Variants in VIM observed in about 807,000 individuals in gnomAD.
VIM encodes the protein epididymis secretory sperm binding protein.
VIM carries 18 observed loss-of-function variants against 50.3 expected under a neutral mutation model. The ratio of observed to expected loss-of-function variants is 0.36; its 90% CI spans 0.25 to 0.53. The LOEUF (loss-of-function observed/expected upper bound fraction) is 0.53, where lower values mean the gene tolerates loss of function less well. Ranked by LOEUF, VIM falls within the 20% of genes least tolerant of loss-of-function variation. The pLI is 0.91. For synonymous variants in VIM, 245 were observed against 248.5 expected, an observed-to-expected ratio of 0.99 and a Z score of 0.13; for missense variants, 551 against 614.7, an observed-to-expected ratio of 0.90 and a Z score of 1.10.
chr10:17,233,402 C>G, intron 3 of VIM, 185 bp from the exon 4 acceptor site: 1 of 604,632 alleles, frequency 1.7e-6, no homozygotes, highest in Non-Finnish European at 2.9e-6. Context: ...TATTAGTGAG[C>G]AGGAGAAAGC....
chr10:17,234,656 A>G (rs746479146), intron 5 of VIM, 37 bp from the exon 6 acceptor site: 17 of 1,612,600 alleles, frequency 1.1e-5, no homozygotes, highest in Middle Eastern at 1.6e-4. Context: ...AAAGACTTGA[A>G]TGTGAGCAAT....
Position 17,229,382 on chromosome 10 carries a change from C to G in VIM, c.-41C>G. On this transcript the variant is annotated 5_prime_UTR_variant, in exon 2 of 10. Coordinates refer to ENST00000544301, the MANE Select transcript of VIM (RefSeq NM_003380.5). Reference sequence around the variant, plus strand: ...CGCCTCTTCTCCGGGAGCCAGTCCGCGCCACCGCCGCCGCCCAGGCCATCG... The same window carrying G: ...CGCCTCTTCTCCGGGAGCCAGTCCGGGCCACCGCCGCCGCCCAGGCCATCG... The G allele has an allele frequency of 1.3e-6, 2 of 1,561,234 alleles. No homozygotes were observed. Among genetic ancestry groups the G allele is most frequent in the South Asian group, 1.2e-5 (1 of 86,220 alleles).
Position 17,236,377 on chromosome 10 carries a change from C to T in VIM, c.1357C>T (p.Gln453Ter), listed in dbSNP as rs1414174359. Residue 453 changes from glutamine (Q) to a stop codon, truncating the protein, a stop_gained and splice_region_variant, in exon 9 of 10, where the codon CAG becomes TAG. Transcript: ENST00000544301. LOFTEE classifies it high-confidence loss of function. The stretch of plus-strand genomic sequence containing the variant: ...TAAGACGGTTGAAACTAGAGATGGA[C>T]AGGTTGGTATCTTTTAAGGAAAAAA... ...LIKTVETRDG[Q>*]VINETSQHHD... is the part of the protein sequence containing the mutation. The T allele has an allele frequency of 6.2e-7, 1 of 1,609,662 alleles. No homozygotes were observed.
rs770340693 is a variant in VIM, at chr10:17,237,191, T to C, written c.1360-39T>C. 25 of 1,547,338 alleles carry C rather than the reference T, an allele frequency of 1.6e-5. 1 individual carries two copies. The South Asian group carries it at 2.7e-4, about 16-fold the overall frequency. On this transcript the variant is annotated intron_variant, in intron 9 of 9. Coordinates refer to ENST00000544301, the MANE Select transcript of VIM (RefSeq NM_003380.5). ...ATATAGGATAATTTAGTCTTTGGCA[T>C]GTGGCATTATATTTATTTTGGTTTT... is the stretch of plus-strand genomic sequence containing the variant.
chr10:17,229,912 C>G lies in VIM; in HGVS notation c.490C>G (p.Leu164Val), dbSNP rs377524590. The G allele has an allele frequency of 1.6e-5, 25 of 1,612,700 alleles. No individual in the cohort carries two copies. The African/African-American group carries it at 3.3e-4, about 22-fold the overall frequency. The change falls in exon 2 of 10, where the codon CTA becomes GTA. Residue 164 changes from leucine (L) to valine (V), a missense_variant. Physicochemically the swap from Leu to Val is conservative, Grantham distance 32. Coordinates refer to ENST00000544301, the MANE Select transcript of VIM (RefSeq NM_003380.5). ...GGAGCTGCGCCGGCAGGTGGACCAG[C>G]TAACCAACGACAAAGCCCGCGTCGA... ...MRELRRQVDQ[L>V]TNDKARVEVE...
chr10:17,236,661 T>C (rs1207050227), intron 9 of VIM, among the ~76,000 whole-genome samples: 1 of 152,190 alleles, frequency 6.6e-6, no homozygotes, highest in Non-Finnish European at 1.5e-5. Flanking sequence ...CTTAAACCAC[T>C]TCCTAAAGCA....
intron 8 of VIM, 183 bp downstream of exon 8, chr10:17,236,072 C>T (rs1846884060): frequency 1.4e-6 from 1 of 730,704 alleles, no homozygotes; most frequent in Non-Finnish European, 2.3e-6. Context: ...TAAATGCAAA[C>T]TCCTTTTTCC....
At chr10:17,230,317 C>A in intron 2 of VIM, 1 of 568,874 alleles carries the variant, frequency 1.8e-6, no homozygotes, top group East Asian at 3.0e-5. Flanking sequence ...CAGAAAGTTT[C>A]CTGCCCCTTC....
Position 17,237,584 on chromosome 10 carries a change from G to T in VIM, c.*313G>T. Reference sequence around the variant, plus strand: ...CTTGGTTCTGCTTCAATAAATCTTTGGAAAAACTCTTTTGTTGTGTTATTT... The same window carrying T: ...CTTGGTTCTGCTTCAATAAATCTTTTGAAAAACTCTTTTGTTGTGTTATTT... On this transcript the variant is annotated 3_prime_UTR_variant, in exon 10 of 10. Transcript: ENST00000544301. 3.5e-6 allele frequency: 1 copy of T among 282,632 alleles called. No individual in the cohort carries two copies. The highest frequency in any genetic ancestry group is 4.7e-5 in the Admixed American group (1 of 21,168). The allele number at this position is 282,632 out of a possible 1,614,324, so 17.5% of individuals were successfully genotyped here.
At chr10:17,235,481 T>G (rs1238392880) in intron 7 of VIM, 92 bp downstream of exon 7, 2 of 1,419,688 alleles carry the variant, frequency 1.4e-6, no homozygotes, top group African/African-American at 1.4e-5. Context: ...ATTTAATCTT[T>G]AGAAAGTTTC....
Position 17,229,144 on chromosome 10 carries a change from A to AACCC in VIM, c.-147-132_-147-131insACCC. On this transcript the variant is annotated intron_variant, in intron 1 of 9. Transcript: ENST00000544301. ...AGCAGGAAGGCTCGAGGGCGCCCCC[A>AACCC]CCCCACCCGCCCACCCTCCCCGCTT... 1.2e-4 allele frequency: 22 copies of AACCC among 176,160 alleles called. 6 individuals are homozygous for AACCC. Among genetic ancestry groups the AACCC allele is most frequent in the South Asian group, 4.9e-4 (8 of 16,232 alleles). The allele number at this position is 176,160 out of a possible 1,614,324, so 10.9% of individuals were successfully genotyped here.
In VIM at chr10:17,230,669, C is replaced by G. The variant is rs1303380482; in HGVS notation, c.583C>G (p.Gln195Glu). The G allele has an allele frequency of 1.2e-6, 2 of 1,614,168 alleles. No individual in the cohort carries two copies. The highest frequency in any genetic ancestry group is 8.5e-7 in the Non-Finnish European group (1 of 1,180,030). Residue 195 changes from glutamine to glutamate, a missense_variant, in exon 3 of 10, where the codon CAG becomes GAG. Physicochemically the swap from Gln to Glu is conservative, Grantham distance 29. Around this residue, in one of 3 missense-constraint regions of VIM, gnomAD observed 394 missense variants for 437.5 expected, o/e 0.90. Transcript: ENST00000544301. ...LREKLQEEML[Q>E]REEAENTLQS... ...TTTCAGATTGCAGGAGGAGATGCTT[C>G]AGAGAGAGGAAGCCGAAAACACCCT... is the stretch of plus-strand genomic sequence containing the variant.
chr10:17,236,801 C>T (rs11254468), intron 9 of VIM, among the ~76,000 whole-genome samples: 32,173 of 152,052 alleles, frequency 0.21, 3,649 homozygotes, highest in Non-Finnish European at 0.27. Context: ...ATGTGCCATA[C>T]GATCATTTAG....
At chr10:17,229,144 A>ACACC in intron 1 of VIM, 132 bp from the exon 2 acceptor site, 3 of 176,160 alleles carry the variant, frequency 1.7e-5, no homozygotes, top group South Asian at 1.2e-4. Flanking sequence ...GGGCGCCCCC[A>ACACC]CCCCACCCGC....
At chr10:17,234,091 C>G in intron 5 of VIM, 160 bp downstream of exon 5, 1 of 752,494 alleles carries the variant, frequency 1.3e-6, no homozygotes. Context: ...CCACCACTCA[C>G]ATCACCTCCT....
chr10:17,231,544 C>G (rs547222065), intron 3 of VIM, among the ~76,000 whole-genome samples: 2 of 152,114 alleles, frequency 1.3e-5, no homozygotes, highest in Non-Finnish European at 2.9e-5. Flanking sequence ...GATGTAAGCA[C>G]GGTTCTAATT....
intron 2 of VIM, 73 bp from the exon 3 acceptor site, chr10:17,230,577 T>C (rs981367555): frequency 1.4e-5 from 21 of 1,516,710 alleles, no homozygotes; most frequent in Non-Finnish European, 1.9e-5. Flanking sequence ...AGCGAATACG[T>C]GGTGTTTGGG....
intron 9 of VIM, 126 bp downstream of exon 9, chr10:17,236,505 T>TA (rs1210283238): frequency 3.7e-6 from 3 of 816,510 alleles, no homozygotes; most frequent in Non-Finnish European, 6.3e-6. Context: ...TCATGCCTAC[T>TA]AAAAAAAGAA....
At chr10:17,230,068 C>T (rs1205926694) in intron 2 of VIM, 83 bp downstream of exon 2, 29 of 1,471,448 alleles carry the variant, frequency 2.0e-5, no homozygotes, top group Middle Eastern at 2.2e-4. Flanking sequence ...CCCGCGAGAG[C>T]TGCCACGCCC....
Sources: gnomAD v4.1 joint callset for allele counts (sites outside exome capture counted in the v4.1 genomes callset) on GRCh38, gnomAD v4.1.1 for gene constraint, gnomAD v4.1.1 regional missense constraint, MANE v1.5 for transcripts, NCBI Gene and HGNC (gene_info 2026-07-23, HGNC 2026-07-21) for gene names.